TNIP3: variants seen among roughly 807,000 people sequenced by gnomAD.
TNIP3 encodes the protein TNFAIP3 interacting protein 3, also known as TNFAIP3-interacting protein 3.
Under a neutral mutation model 54.1 loss-of-function variants are expected in TNIP3, and 34 were observed. That is an observed-to-expected ratio of 0.63 (90% CI 0.48 to 0.84). The LOEUF is 0.84. Ranked by LOEUF, TNIP3 falls within the 40% of genes least tolerant of loss-of-function variation. The probability of loss-of-function intolerance (pLI) is 0.00; values close to 1 mark genes in which losing one functional copy is unlikely to be tolerated. For synonymous variants in TNIP3, 134 were observed against 136.8 expected, an observed-to-expected ratio of 0.98 and a Z score of 0.14; for missense variants, 366 against 387.6, an observed-to-expected ratio of 0.94 and a Z score of 0.47.
chr4:121,138,573 T>A, intron 10 of TNIP3, 51 bp downstream of exon 10: 1 of 1,522,430 alleles, frequency 6.6e-7, no homozygotes, highest in Non-Finnish European at 9.1e-7. Flanking sequence ...CCCCAAAAGA[T>A]CCCATTAAGA....
chr4:121,179,253 C>T (rs1037336297), intron 3 of TNIP3, among the ~76,000 whole-genome samples: 2 of 152,170 alleles, frequency 1.3e-5, no homozygotes, highest in Admixed American at 6.5e-5. Flanking sequence ...AAAATATGTA[C>T]GAACTTGGCT....
intron 2 of TNIP3, among the ~76,000 whole-genome samples, chr4:121,196,397 T>C (rs924433046): frequency 6.6e-6 from 1 of 152,224 alleles, no homozygotes; most frequent in Non-Finnish European, 1.5e-5. Context: ...TATAGGTTTT[T>C]TTTAAGTTAG....
intron 6 of TNIP3, among the ~76,000 whole-genome samples, chr4:121,147,457 G>A (rs1579385345): frequency 6.6e-6 from 1 of 152,174 alleles, no homozygotes; most frequent in East Asian, 1.9e-4. Context: ...TAAGTTGAAT[G>A]CAAAAAAGAA....
At chr4:121,164,004 A>G in intron 1 of TNIP3, 56 bp downstream of exon 1, 1 of 1,593,880 alleles carries the variant, frequency 6.3e-7, no homozygotes, top group Non-Finnish European at 8.6e-7. Context: ...ATTAACCACT[A>G]GAAATGCCAT....
intron 9 of TNIP3, among the ~76,000 whole-genome samples, chr4:121,140,833 A>G (rs574949951): frequency 9.8e-5 from 15 of 152,308 alleles, no homozygotes; most frequent in African/African-American, 3.4e-4. Context: ...AAAAGACTCA[A>G]TTCTTAGCGG....
intron 1 of TNIP3, chr4:121,216,547 G>C: frequency 3.9e-6 from 6 of 1,532,016 alleles, no homozygotes; most frequent in Non-Finnish European, 5.2e-6. Flanking sequence ...TGTACGTCAA[G>C]GGAAGTTAAC....
intron 2 of TNIP3, among the ~76,000 whole-genome samples, chr4:121,210,139 T>C (rs993006557): frequency 1.4e-4 from 22 of 152,170 alleles, no homozygotes; most frequent in Admixed American, 1.2e-3. Flanking sequence ...TAAGAACTTT[T>C]GCTATCACCT....
At chr4:121,138,032 A>C in intron 10 of TNIP3, 1 of 450,342 alleles carries the variant, frequency 2.2e-6, no homozygotes, top group African/African-American at 2.0e-5. Flanking sequence ...AGAAAACAGA[A>C]AATGTTAAAT....
At chr4:121,186,102 G>C (rs1725003914) in intron 2 of TNIP3, among the ~76,000 whole-genome samples, 2 of 152,196 alleles carry the variant, frequency 1.3e-5, no homozygotes, top group Admixed American at 1.3e-4. Flanking sequence ...TGAGGATAGT[G>C]GTTTTCTGGG....
chr4:121,166,027 T>C (rs188950047), upstream of TNIP3, among the ~76,000 whole-genome samples: 17 of 152,326 alleles, frequency 1.1e-4, no homozygotes, highest in African/African-American at 3.1e-4. Flanking sequence ...TTTGTATTTG[T>C]ATAGGGATGT....
chr4:121,157,546 T>A (rs1264857678), intron 3 of TNIP3, among the ~76,000 whole-genome samples: 1 of 152,190 alleles, frequency 6.6e-6, no homozygotes, highest in Non-Finnish European at 1.5e-5. Flanking sequence ...TCTGTAGGTT[T>A]GTCATTCTAT....
intron 4 of TNIP3, among the ~76,000 whole-genome samples, chr4:121,156,890 A>C (rs992845025): frequency 6.6e-6 from 1 of 152,206 alleles, no homozygotes; most frequent in African/African-American, 2.4e-5. Context: ...GGAAGCCGGC[A>C]GAGAATCTCC....
chr4:121,180,896 T>C (rs1724654531), intron 3 of TNIP3, among the ~76,000 whole-genome samples: 1 of 152,234 alleles, frequency 6.6e-6, no homozygotes, highest in Non-Finnish European at 1.5e-5. Context: ...GTCTCACCTC[T>C]TACCCTCTCA....
upstream of TNIP3, among the ~76,000 whole-genome samples, chr4:121,220,513 A>T (rs1015506645): frequency 6.6e-6 from 1 of 152,162 alleles, no homozygotes; most frequent in African/African-American, 2.4e-5. Context: ...TGCCCTCACC[A>T]TCATCCAATT....
chr4:121,160,401 C>A (rs576866130), intron 2 of TNIP3, among the ~76,000 whole-genome samples: 1 of 152,150 alleles, frequency 6.6e-6, no homozygotes, highest in African/African-American at 2.4e-5. Context: ...ATCACTTGAA[C>A]CCTGGAGGCA....
At chr4:121,211,115 A>G (rs1033244435) in intron 2 of TNIP3, among the ~76,000 whole-genome samples, 1 of 152,188 alleles carries the variant, frequency 6.6e-6, no homozygotes. Context: ...AATGTCCCTG[A>G]CATAGAAATA....
chr4:121,193,927 C>T (rs1307286371), intron 2 of TNIP3, among the ~76,000 whole-genome samples: 1 of 152,192 alleles, frequency 6.6e-6, no homozygotes, highest in East Asian at 1.9e-4. Context: ...CTATAATATT[C>T]CAGAGTGTCA....
At chr4:121,138,099 T>A in intron 10 of TNIP3, 1 of 403,846 alleles carries the variant, frequency 2.5e-6, no homozygotes, top group Non-Finnish European at 4.9e-6. Context: ...CATAAGTGAC[T>A]TTTAGTTTTC....
intron 2 of TNIP3, among the ~76,000 whole-genome samples, chr4:121,216,061 C>T (rs553961543): frequency 2.6e-5 from 4 of 152,136 alleles, no homozygotes; most frequent in Non-Finnish European, 5.9e-5. Flanking sequence ...AGAAAAGATA[C>T]AGCAACTCCT....
Sources: gnomAD v4.1 joint callset for allele counts (sites outside exome capture counted in the v4.1 genomes callset) on GRCh38, gnomAD v4.1.1 for gene constraint, MANE v1.5 for transcripts, NCBI Gene and HGNC (gene_info 2026-07-23, HGNC 2026-07-21) for gene names.